The following ANKS1B variants were observed in gnomAD, a reference collection of about 807,000 sequenced individuals.
ANKS1B encodes ankyrin repeat and sterile alpha motif domain containing 1B.
ANKS1B carries 36 observed loss-of-function variants against 148.3 expected under a neutral mutation model. The observed-to-expected ratio is 0.24, with a 90% CI of 0.19 to 0.32. The LOEUF is 0.32. ANKS1B is among the 10% of genes least tolerant of loss of function. The probability of loss-of-function intolerance (pLI) is 1.00; values close to 1 mark genes in which losing one functional copy is unlikely to be tolerated. For synonymous variants in ANKS1B, 542 were observed against 560.8 expected (o/e 0.97, Z 0.47); for missense variants, 1,157 against 1,542.6 (o/e 0.75, Z 4.19).
chr12:99,318,502 G>T (rs538438002), intron 12 of ANKS1B, among the ~76,000 whole-genome samples: 13 of 152,222 alleles, frequency 8.5e-5, no homozygotes, highest in African/African-American at 3.1e-4. Context: ...ATTTCTGTGG[G>T]ACCAGTGGTG....
chr12:99,426,009 AGT>A (rs2095247314), intron 11 of ANKS1B, among the ~76,000 whole-genome samples: 2 of 152,192 alleles, frequency 1.3e-5, no homozygotes, highest in Admixed American at 1.3e-4. Context: ...AAATATTGAC[AGT>A]GTGTGTCTCT....
chr12:99,545,513 G>C (rs980531629), intron 9 of ANKS1B, among the ~76,000 whole-genome samples: 3 of 151,924 alleles, frequency 2.0e-5, no homozygotes, highest in African/African-American at 7.3e-5. Context: ...GGAGGCAAAG[G>C]GGTTATTGGC....
At chr12:99,234,537 T>G (rs918341229) in intron 14 of ANKS1B, among the ~76,000 whole-genome samples, 1 of 152,192 alleles carries the variant, frequency 6.6e-6, no homozygotes, top group East Asian at 1.9e-4. Context: ...TATTTTGGTA[T>G]GACCACAGCA....
chr12:98,806,074 G>A (rs2099048900), intron 20 of ANKS1B, among the ~76,000 whole-genome samples: 1 of 152,174 alleles, frequency 6.6e-6, no homozygotes, highest in South Asian at 2.1e-4. Context: ...GTTTCACCAT[G>A]TTGGCCAGGC....
chr12:99,006,299 CA>C (rs1343356540), intron 17 of ANKS1B, among the ~76,000 whole-genome samples: 2 of 152,156 alleles, frequency 1.3e-5, no homozygotes, highest in Non-Finnish European at 2.9e-5. Flanking sequence ...GAGAAATTAA[CA>C]TATTCATTCT....
In ANKS1B at chr12:99,404,945, C is replaced by G. The variant is rs989978339; in HGVS notation, c.1576-5134G>C. On this transcript the variant is annotated intron_variant, in intron 11 of 26. Transcript: ENST00000683438. ...TAACGTACAATGAAGCTCCAATATGCTTGGCAGCAGATTTCTCAGTAGAAA... is the reference window on the plus strand; with the variant it reads ...TAACGTACAATGAAGCTCCAATATGGTTGGCAGCAGATTTCTCAGTAGAAA... 6.8e-5 allele frequency among the ~76,000 whole-genome samples: 10 copies of G among 146,058 alleles called. 1 individual carries two copies. Among genetic ancestry groups the G allele is most frequent in the Non-Finnish European group, 1.4e-4 (9 of 66,038 alleles).
intron 15 of ANKS1B, among the ~76,000 whole-genome samples, chr12:99,091,168 G>A (rs1364176669): frequency 6.6e-6 from 1 of 152,190 alleles, no homozygotes. Flanking sequence ...ATATGTGCAA[G>A]CTGTGTATTT....
chr12:98,922,830 A>C (rs1463955859), intron 17 of ANKS1B, among the ~76,000 whole-genome samples: 1 of 152,218 alleles, frequency 6.6e-6, no homozygotes, highest in East Asian at 1.9e-4. Context: ...TTGCATACAC[A>C]TGTAATTTCT....
intron 12 of ANKS1B, among the ~76,000 whole-genome samples, chr12:99,393,693 T>A (rs2094150903): frequency 6.6e-6 from 1 of 152,162 alleles, no homozygotes; most frequent in African/African-American, 2.4e-5. Context: ...TCCTTGTGCA[T>A]CCCATTCTTT....
At chr12:99,179,814 CAAT>C in intron 14 of ANKS1B, among the ~76,000 whole-genome samples, 1 of 152,232 alleles carries the variant, frequency 6.6e-6, no homozygotes, top group South Asian at 2.1e-4. Context: ...GATAAATCCT[CAAT>C]AATGCTAACT....
chr12:99,641,768 T>C (rs2098309370), intron 9 of ANKS1B, among the ~76,000 whole-genome samples: 1 of 152,176 alleles, frequency 6.6e-6, no homozygotes, highest in Non-Finnish European at 1.5e-5. Context: ...CAATTACTGA[T>C]TTCCTCTTTA....
chr12:99,816,099 C>T (rs1295482987), intron 2 of ANKS1B, among the ~76,000 whole-genome samples: 1 of 151,874 alleles, frequency 6.6e-6, no homozygotes, highest in African/African-American at 2.4e-5. Context: ...ACAGTCCCAC[C>T]AGCAGCGTAA....
chr12:99,649,931 T>C (rs560512236), intron 9 of ANKS1B: 1 of 154,708 alleles, frequency 6.5e-6, no homozygotes. Context: ...CCTAGCTGGA[T>C]TGACTCTGCA....
chr12:98,870,855 C>T lies in ANKS1B; in HGVS notation c.2779-38719G>A, dbSNP rs113957880. Among the ~76,000 whole-genome samples the T allele has an allele frequency of 1.9e-3, 285 of 152,310 alleles. 2 individuals carry two copies. The highest frequency in any genetic ancestry group is 6.8e-3 in the African/African-American group (282 of 41,582). On this transcript the variant is annotated intron_variant, in intron 17 of 26. Coordinates refer to ENST00000683438, the MANE Select transcript of ANKS1B (RefSeq NM_001352186.2). ...GGCTCTGATGGTGCTTACAAAATGC[C>T]TTTGCCCGACAGTAACAAGAAAGGT...
chr12:99,153,439 A>G (rs114921551), intron 15 of ANKS1B, among the ~76,000 whole-genome samples: 1,962 of 152,240 alleles, frequency 0.013, 41 homozygotes, highest in African/African-American at 0.045. Flanking sequence ...AAGCAAGGAA[A>G]GGTAATAGAG....
intron 14 of ANKS1B, among the ~76,000 whole-genome samples, chr12:99,163,131 G>A (rs1405923323): frequency 6.6e-6 from 1 of 151,922 alleles, no homozygotes; most frequent in Non-Finnish European, 1.5e-5. Flanking sequence ...AGTTAAAATA[G>A]TTATTTTTAG....
intron 8 of ANKS1B, among the ~76,000 whole-genome samples, chr12:99,730,446 A>G (rs1397719868): frequency 6.6e-6 from 1 of 152,200 alleles, no homozygotes; most frequent in African/African-American, 2.4e-5. Context: ...AGTAGCCTCC[A>G]ACTTTTTTGG....
intron 8 of ANKS1B, among the ~76,000 whole-genome samples, chr12:99,713,742 T>C (rs2056937244): frequency 6.6e-6 from 1 of 152,200 alleles, no homozygotes; most frequent in South Asian, 2.1e-4. Flanking sequence ...CTCACTTCCT[T>C]CTGAGCCCTT....
At chr12:98,962,888 T>C (rs981184665) in intron 17 of ANKS1B, among the ~76,000 whole-genome samples, 9 of 152,180 alleles carry the variant, frequency 5.9e-5, no homozygotes, top group African/African-American at 2.2e-4. Flanking sequence ...AAAAAATTTC[T>C]TGAAGCAGGT....
Sources: allele counts gnomAD v4.1 joint callset (sites outside exome capture counted in the v4.1 genomes callset), GRCh38; gene constraint gnomAD v4.1.1; transcripts MANE v1.5; gene names NCBI Gene and HGNC (gene_info 2026-07-23, HGNC 2026-07-21).